JAZF1: variants seen among roughly 807,000 people sequenced by gnomAD.
JAZF1 encodes the protein JAZF zinc finger 1.
Under a neutral mutation model 26.4 loss-of-function variants are expected in JAZF1, and 8 were observed. That is an observed-to-expected ratio of 0.30 (90% CI 0.18 to 0.55). JAZF1 has a LOEUF of 0.55. JAZF1 is among the 20% of genes least tolerant of loss of function. The probability of loss-of-function intolerance (pLI) is 0.94; values close to 1 mark genes in which losing one functional copy is unlikely to be tolerated. For synonymous variants in JAZF1, 126 were observed against 122.3 expected, an observed-to-expected ratio of 1.03 and a Z score of -0.20; for missense variants, 199 against 322.0, an observed-to-expected ratio of 0.62 and a Z score of 2.92.
At chr7:27,993,407 A>G (rs946174816) in intron 1 of JAZF1, among the ~76,000 whole-genome samples, 7 of 152,198 alleles carry the variant, frequency 4.6e-5, no homozygotes, top group African/African-American at 1.4e-4. Flanking sequence ...TTCTCTAAAT[A>G]ACAAAAAAAC....
At chr7:27,974,882 A>G (rs1785441418) in intron 2 of JAZF1, among the ~76,000 whole-genome samples, 2 of 98,688 alleles carry the variant, frequency 2.0e-5, no homozygotes, top group South Asian at 7.2e-4. Flanking sequence ...GGGAGGCCTT[A>G]GGGAGTTTTT....
Position 28,092,290 on chromosome 7 carries a change from C to CCAAAAAAAAAAAAAAAAAAAAAA in JAZF1, c.115+88172_115+88173insTTTTTTTTTTTTTTTTTTTTTTG, listed in dbSNP as rs1784310777. Among the ~76,000 whole-genome samples, 10 of 12,802 alleles carry CCAAAAAAAAAAAAAAAAAAAAAA rather than the reference C, an allele frequency of 7.8e-4. 1 individual carries two copies. Among genetic ancestry groups the CCAAAAAAAAAAAAAAAAAAAAAA allele is most frequent in the African/African-American group, 2.2e-3 (10 of 4,646 alleles). The allele number at this position is 12,802 out of a possible 152,430, so 8.4% of individuals were successfully genotyped here. A position where few individuals can be genotyped will look rare whatever the true frequency, so the allele number is the denominator to read the frequency against. ...AACATCCCATTTCAGGGACAAAAGGCAAAAAAAAAAAAAAAAAAAAAAAAA... is the reference window on the plus strand; with the variant it reads ...AACATCCCATTTCAGGGACAAAAGGCCAAAAAAAAAAAAAAAAAAAAAAAAAAAAAAAAAAAAAAAAAAAAAAA... On this transcript the variant is annotated intron_variant, in intron 1 of 4. Transcript: ENST00000283928.
At chr7:27,846,964 T>C (rs1194824916) in intron 3 of JAZF1, among the ~76,000 whole-genome samples, 1 of 135,172 alleles carries the variant, frequency 7.4e-6, no homozygotes, top group Non-Finnish European at 1.7e-5. Flanking sequence ...TGTAGCCTTA[T>C]CTGTTTTTAT....
At chr7:28,095,466 A>C (rs1349624653) in intron 1 of JAZF1, among the ~76,000 whole-genome samples, 1 of 152,142 alleles carries the variant, frequency 6.6e-6, no homozygotes, top group African/African-American at 2.4e-5. Context: ...TGTGAGAACT[A>C]ACTCACTATC....
At chr7:28,056,044 T>C (rs1783701822) in intron 1 of JAZF1, among the ~76,000 whole-genome samples, 1 of 152,140 alleles carries the variant, frequency 6.6e-6, no homozygotes, top group Admixed American at 6.5e-5. Flanking sequence ...CTTTCCATTC[T>C]TTGTGAACAG....
intron 1 of JAZF1, among the ~76,000 whole-genome samples, chr7:28,073,979 TAA>T (rs34830661): frequency 3.5e-4 from 52 of 148,354 alleles, no homozygotes; most frequent in Non-Finnish European, 4.8e-4. Flanking sequence ...TTTACTTAGT[TAA>T]AAAAAAAAAA....
At chr7:28,051,360 C>A (rs1374389694) in intron 1 of JAZF1, among the ~76,000 whole-genome samples, 3 of 151,778 alleles carry the variant, frequency 2.0e-5, no homozygotes, top group Non-Finnish European at 4.4e-5. Context: ...GCTGGGATTA[C>A]AGGTGCACAC....
chr7:27,831,000 A>AT lies in JAZF1; in HGVS notation c.*1799dup. ...TAAATAATAATTGCTGGCCTAAAAA[A>AT]TTTTTTTTGGTCAATTGTAGGTAGA... On this transcript the variant is annotated 3_prime_UTR_variant, in exon 5 of 5. Transcript: ENST00000283928. The AT allele has an allele frequency of 1.8e-5, 4 of 219,078 alleles. No homozygotes were observed. Among genetic ancestry groups the AT allele is most frequent in the East Asian group, 6.7e-5 (1 of 14,822 alleles). 13.6% of individuals were successfully genotyped at this position (219,078 alleles called of 1,614,324 possible).
chr7:28,048,932 C>T (rs966357508), intron 1 of JAZF1, among the ~76,000 whole-genome samples: 3 of 152,004 alleles, frequency 2.0e-5, no homozygotes, highest in Admixed American at 6.6e-5. Flanking sequence ...TCTATTTATA[C>T]GAAATGTCCA....
At chr7:28,097,631 AG>A (rs1313516221) in intron 1 of JAZF1, among the ~76,000 whole-genome samples, 1 of 152,234 alleles carries the variant, frequency 6.6e-6, no homozygotes, top group Non-Finnish European at 1.5e-5. Flanking sequence ...GGATATATAA[AG>A]GGTGGGGCAA....
chr7:28,120,711 C>T (rs1292454907), intron 1 of JAZF1, among the ~76,000 whole-genome samples: 1 of 151,844 alleles, frequency 6.6e-6, no homozygotes, highest in Non-Finnish European at 1.5e-5. Context: ...TGGAGCTTCT[C>T]CCCAGATGAG....
At chr7:28,113,778 C>T (rs1784699651) in intron 1 of JAZF1, among the ~76,000 whole-genome samples, 1 of 152,188 alleles carries the variant, frequency 6.6e-6, no homozygotes, top group Non-Finnish European at 1.5e-5. Flanking sequence ...CTTTCTACTA[C>T]ACTACTAGCT....
chr7:28,004,117 T>C (rs1782657967), intron 1 of JAZF1, among the ~76,000 whole-genome samples: 1 of 152,176 alleles, frequency 6.6e-6, no homozygotes, highest in Non-Finnish European at 1.5e-5. Context: ...GTATCAGCTT[T>C]TCTAATAAAG....
chr7:28,100,164 G>T (rs1784450648), intron 1 of JAZF1, among the ~76,000 whole-genome samples: 1 of 152,182 alleles, frequency 6.6e-6, no homozygotes, highest in African/African-American at 2.4e-5. Context: ...AGAGGGTGGG[G>T]AGAGAAACCC....
chr7:28,127,447 T>C (rs748485322), intron 1 of JAZF1, among the ~76,000 whole-genome samples: 27 of 152,114 alleles, frequency 1.8e-4, no homozygotes, highest in Non-Finnish European at 3.4e-4. Flanking sequence ...AGGGGAGTTG[T>C]GATGCCTGAC....
chr7:27,929,240 G>A (rs758485730), intron 2 of JAZF1, among the ~76,000 whole-genome samples: 1 of 97,348 alleles, frequency 1.0e-5, no homozygotes, highest in Non-Finnish European at 2.0e-5. Flanking sequence ...TTTAGGGTAG[G>A]GTGGCTCCAG....
Position 28,031,087 on chromosome 7 carries a change from T to A in JAZF1, c.116-39106A>T, listed in dbSNP as rs148213152. Among the ~76,000 whole-genome samples the A allele has an allele frequency of 7.3e-3, 1,106 of 152,304 alleles. 15 individuals are homozygous for A. The highest frequency in any genetic ancestry group is 0.025 in the African/African-American group (1,045 of 41,564). On this transcript the variant is annotated intron_variant, in intron 1 of 4. Coordinates refer to ENST00000283928, the MANE Select transcript of JAZF1 (RefSeq NM_175061.4). ...GAAGCATATTCACATCTACTTAGTATATGGTCTAGCTGTTGAGTCCTCTAA... is the reference window on the plus strand; with the variant it reads ...GAAGCATATTCACATCTACTTAGTAAATGGTCTAGCTGTTGAGTCCTCTAA...
chr7:28,172,965 G>A (rs1264400243), intron 1 of JAZF1, among the ~76,000 whole-genome samples: 1 of 152,168 alleles, frequency 6.6e-6, no homozygotes, highest in Non-Finnish European at 1.5e-5. Context: ...ACAGAAATGT[G>A]ACAGCAGGGA....
intron 1 of JAZF1, among the ~76,000 whole-genome samples, chr7:28,012,655 A>G (rs1369551932): frequency 6.6e-6 from 1 of 152,192 alleles, no homozygotes; most frequent in East Asian, 1.9e-4. Context: ...TGGCATTTCC[A>G]GTGGAGGGAG....
Sources: allele counts gnomAD v4.1 joint callset (sites outside exome capture counted in the v4.1 genomes callset), GRCh38; gene constraint gnomAD v4.1.1; transcripts MANE v1.5; gene names NCBI Gene and HGNC (gene_info 2026-07-23, HGNC 2026-07-21).